Variants in PALD1 observed in about 807,000 individuals in gnomAD.
PALD1 encodes phosphatase domain containing paladin 1.
Under a neutral mutation model 96.0 loss-of-function variants are expected in PALD1, and 57 were observed. The observed-to-expected ratio is 0.59, with a 90% confidence interval of 0.48 to 0.74. PALD1 has a LOEUF of 0.74. Ranked by LOEUF, PALD1 falls within the 30% of genes least tolerant of loss-of-function variation. PALD1 has a pLI of 0.00. For missense variants in PALD1, 1,063 were observed against 1,143.7 expected (o/e 0.93, Z 1.02); for synonymous variants, 464 against 473.6 (o/e 0.98, Z 0.26).
At chr10:70,532,562 A>G in intron 5 of PALD1, 59 bp from the exon 6 acceptor site, 2 of 1,554,412 alleles carry the variant, frequency 1.3e-6, no homozygotes, top group East Asian at 4.5e-5. Flanking sequence ...CAGCCAGGAC[A>G]CTCAGGGAGG....
intron 18 of PALD1, among the ~76,000 whole-genome samples, 187 bp downstream of exon 18, chr10:70,547,633 C>T (rs1458271462): frequency 2.6e-5 from 4 of 152,170 alleles, no homozygotes; most frequent in Non-Finnish European, 5.9e-5. Flanking sequence ...CAGCCCCGAC[C>T]CACTGGTATG....
rs565990509 is a variant in PALD1, at chr10:70,564,292, G to T, written c.2263-72G>T. On this transcript the variant is annotated intron_variant, in intron 18 of 19. Coordinates refer to ENST00000263563, the MANE Select transcript of PALD1 (RefSeq NM_014431.3). Reference sequence around the variant, plus strand: ...TCACCCTGCCCTGGCACTCAGGGCAGCAGGGTGGCATGTTTGTGTGTTGGG... The same window carrying T: ...TCACCCTGCCCTGGCACTCAGGGCATCAGGGTGGCATGTTTGTGTGTTGGG... 6 of 1,478,526 alleles carry T rather than the reference G, an allele frequency of 4.1e-6. No individual in the cohort carries two copies. In the African/African-American group the frequency reaches 7.0e-5, roughly 17 times the overall value. The allele number at this position is 1,478,526 out of a possible 1,614,324, so 91.6% of individuals were successfully genotyped here.
At chr10:70,481,892 A>G (rs749322686) in intron 1 of PALD1, among the ~76,000 whole-genome samples, 5 of 152,380 alleles carry the variant, frequency 3.3e-5, no homozygotes, top group South Asian at 4.1e-4. Context: ...CTAATGCACC[A>G]TGCAACCTCC....
chr10:70,533,477 G>T (rs1327589076), intron 7 of PALD1, among the ~76,000 whole-genome samples: 1 of 152,158 alleles, frequency 6.6e-6, no homozygotes, highest in East Asian at 1.9e-4. Context: ...GCTGGCCGTG[G>T]CTGGGCTGCC....
At chr10:70,551,894 G>A (rs4747049) in intron 18 of PALD1, among the ~76,000 whole-genome samples, 2 of 145,706 alleles carry the variant, frequency 1.4e-5, no homozygotes, top group Admixed American at 6.8e-5. Flanking sequence ...CTCAGGTTGA[G>A]CAAAGAGTCT....
chr10:70,468,702 CTGTGTGTGTG>C, the PALD1 span, among the ~76,000 whole-genome samples: 108 of 123,886 alleles, frequency 8.7e-4, 1 homozygote, highest in African/African-American at 1.9e-3. Flanking sequence ...TGAGGCAGGA[CTGTGTGTGTG>C]TGTGTGTGTG....
chr10:70,547,466 C>CA lies in PALD1; in HGVS notation c.2262+21dup. On this transcript the variant is annotated intron_variant, in intron 18 of 19. Coordinates refer to ENST00000263563, the MANE Select transcript of PALD1 (RefSeq NM_014431.3). ...CGCCAGGTGAGCCCCCACCCCACCC[C>CA]ACCCCACCCTGCCCCAGCCACCCTT... 6.6e-7 allele frequency: 1 copy of CA among 1,516,948 alleles called. No individual in the cohort carries two copies. The highest frequency in any genetic ancestry group is 8.9e-7 in the Non-Finnish European group (1 of 1,122,580). 94.0% of individuals were successfully genotyped at this position (1,516,948 alleles called of 1,614,324 possible).
At chr10:70,493,562 C>T (rs892266722) in intron 1 of PALD1, among the ~76,000 whole-genome samples, 6 of 152,212 alleles carry the variant, frequency 3.9e-5, no homozygotes, top group East Asian at 1.9e-4. Context: ...CTGAGGGTGG[C>T]GTTGGCCCCC....
At chr10:70,560,804 T>C (rs142640877) in intron 18 of PALD1, among the ~76,000 whole-genome samples, 2 of 152,152 alleles carry the variant, frequency 1.3e-5, no homozygotes, top group Non-Finnish European at 2.9e-5. Flanking sequence ...ATTTTAGGGC[T>C]CAGTCCAATG....
intron 1 of PALD1, among the ~76,000 whole-genome samples, chr10:70,513,543 A>G (rs1846560430): frequency 6.6e-6 from 1 of 152,132 alleles, no homozygotes; most frequent in African/African-American, 2.4e-5. Context: ...TGCAGTAAGT[A>G]AACTCCTGTC....
chr10:70,531,285 G>T lies in PALD1; in HGVS notation c.469-5G>T, dbSNP rs1156290710. The T allele has an allele frequency of 6.2e-7, 1 of 1,609,582 alleles. No individual in the cohort carries two copies. The highest frequency in any genetic ancestry group is 8.5e-7 in the Non-Finnish European group (1 of 1,176,514). On this transcript the variant is annotated splice_polypyrimidine_tract_variant and splice_region_variant and intron_variant, in intron 4 of 19. Transcript: ENST00000263563. The stretch of plus-strand genomic sequence containing the variant: ...TGGCTTCCTTCCCCCTCGGGCTCCT[G>T]GCAGGAGTGTGTCATCTTCTGTGTG...
At chr10:70,559,266 C>T (rs10740354) in intron 18 of PALD1, among the ~76,000 whole-genome samples, 84,417 of 151,490 alleles carry the variant, frequency 0.56, 23,754 homozygotes, top group East Asian at 0.75. Context: ...ATGGTTCAGA[C>T]AGAGGGTGTG....
upstream of PALD1, among the ~76,000 whole-genome samples, chr10:70,476,589 TCAGCCCC>T (rs751526592): frequency 2.0e-5 from 3 of 152,162 alleles, no homozygotes; most frequent in Non-Finnish European, 2.9e-5. Context: ...CTCCAAGCCC[TCAGCCCC>T]CTACCTACCA....
At chr10:70,458,758 A>G in the PALD1 span, among the ~76,000 whole-genome samples, 1 of 152,318 alleles carries the variant, frequency 6.6e-6, no homozygotes, top group South Asian at 2.1e-4. Context: ...CTCTGCCCTC[A>G]GCGGGATGTG....
At chr10:70,475,998 C>A (rs1845816784), upstream of PALD1, among the ~76,000 whole-genome samples, 1 of 152,194 alleles carries the variant, frequency 6.6e-6, no homozygotes. Context: ...TGGATCCCTG[C>A]AAATATGAGT....
Position 70,534,183 on chromosome 10 carries a change from T to A in PALD1, c.1022+110T>A, listed in dbSNP as rs529297561. On this transcript the variant is annotated intron_variant, in intron 8 of 19. Coordinates refer to ENST00000263563, the MANE Select transcript of PALD1 (RefSeq NM_014431.3). Reference sequence around the variant, plus strand: ...GAGCCCAGAGCCAGAGCTGGAAATTTGGCATCTGGGGTTCATTTCCTGGTT... The same window carrying A: ...GAGCCCAGAGCCAGAGCTGGAAATTAGGCATCTGGGGTTCATTTCCTGGTT... The A allele has an allele frequency of 5.4e-6, 7 of 1,293,908 alleles. No individual in the cohort carries two copies. In the South Asian group the frequency reaches 1.1e-4, roughly 20 times the overall value. 80.2% of individuals were successfully genotyped at this position (1,293,908 alleles called of 1,614,324 possible).
chr10:70,479,182 G>A (rs1365678971), intron 1 of PALD1, 123 bp downstream of exon 1: 1 of 152,310 alleles, frequency 6.6e-6, no homozygotes, highest in African/African-American at 2.4e-5. Flanking sequence ...TGAGGTCCTG[G>A]GCCTTCACCC....
At chr10:70,470,340 T>C in the PALD1 span, among the ~76,000 whole-genome samples, 1 of 152,184 alleles carries the variant, frequency 6.6e-6, no homozygotes, top group East Asian at 1.9e-4. Context: ...GACAAATGTC[T>C]TAATTATTAG....
intron 1 of PALD1, among the ~76,000 whole-genome samples, chr10:70,521,374 C>T (rs1469831081): frequency 6.6e-6 from 1 of 152,118 alleles, no homozygotes; most frequent in East Asian, 1.9e-4. Flanking sequence ...AATGAGGCCT[C>T]ATCCTTATAG....
Sources: allele counts gnomAD v4.1 joint callset (sites outside exome capture counted in the v4.1 genomes callset), GRCh38; gene constraint gnomAD v4.1.1; transcripts MANE v1.5; gene names NCBI Gene and HGNC (gene_info 2026-07-23, HGNC 2026-07-21).